GBE1: variants seen among roughly 807,000 people sequenced by gnomAD.
GBE1 encodes the protein 1,4-alpha-glucan branching enzyme 1, also known as 1,4-alpha-glucan-branching enzyme.
In GBE1, 70 loss-of-function variants were observed where a neutral mutation model predicts 88.8. The ratio of observed to expected loss-of-function variants is 0.79; its 90% CI spans 0.65 to 0.96. GBE1 has a LOEUF of 0.96. GBE1 is among the 40% of genes least tolerant of loss of function. The probability of loss-of-function intolerance (pLI) is 0.00; values close to 1 mark genes in which losing one functional copy is unlikely to be tolerated. For synonymous variants in GBE1, 284 were observed against 300.1 expected (o/e 0.95, Z 0.56); for missense variants, 872 against 871.0 (o/e 1.00, Z -0.01).
At chr3:81,537,741 TTCTTTTTCAGA>T (rs2106873269) in intron 12 of GBE1, among the ~76,000 whole-genome samples, 1 of 152,126 alleles carries the variant, frequency 6.6e-6, no homozygotes, top group South Asian at 2.1e-4. Flanking sequence ...TTTTCCGTAT[TTCTTTTTCAGA>T]TCTATTTTTT....
intron 14 of GBE1, among the ~76,000 whole-genome samples, chr3:81,519,869 G>C (rs1230419060): frequency 1.3e-5 from 2 of 151,396 alleles, no homozygotes; most frequent in African/African-American, 4.8e-5. Context: ...ACCTGCCTGG[G>C]CCACAAGTCT....
At chr3:81,671,480 C>T (rs1410953023) in intron 2 of GBE1, among the ~76,000 whole-genome samples, 5 of 151,886 alleles carry the variant, frequency 3.3e-5, no homozygotes, top group Non-Finnish European at 5.9e-5. Context: ...GAATGCAGAA[C>T]GTGGAAGAAA....
intron 2 of GBE1, among the ~76,000 whole-genome samples, chr3:81,675,770 G>A (rs1705243284): frequency 2.0e-5 from 3 of 151,904 alleles, no homozygotes; most frequent in African/African-American, 7.2e-5. Flanking sequence ...TTCAGTTTTG[G>A]CAAAATTTTA....
At chr3:81,611,386 T>C (rs968258377) in intron 7 of GBE1, among the ~76,000 whole-genome samples, 1 of 151,956 alleles carries the variant, frequency 6.6e-6, no homozygotes, top group African/African-American at 2.4e-5. Context: ...AACCAAGTAA[T>C]GCAATAGGAA....
At position 81,670,869 on chromosome 3, in the gene GBE1, G is replaced by T. The variant is rs764917202; in HGVS notation, c.398C>A (p.Ser133Tyr). Residue 133 changes from serine to tyrosine, a missense_variant, in exon 3 of 16, where the codon TCT (serine) becomes TAT (tyrosine). Ser to Tyr is a moderately radical substitution (Grantham distance 144). Transcript: ENST00000429644. ...TTTGGATCCATGAGGCACGAGTACA[G>T]ATTTATTCTGCTTTGGTGGGATATA... is the stretch of plus-strand genomic sequence containing the variant. The part of the protein sequence containing the change: ...ELYIPPKQNK[S>Y]VLVPHGSKLK... The T allele has an allele frequency of 6.3e-7, 1 of 1,576,794 alleles. No homozygotes were observed. The highest frequency in any genetic ancestry group is 1.2e-5 in the South Asian group (1 of 82,650).
At chr3:81,718,524 TCA>T (rs1382465565) in intron 1 of GBE1, among the ~76,000 whole-genome samples, 1 of 152,178 alleles carries the variant, frequency 6.6e-6, no homozygotes. Flanking sequence ...TTGCTCAAGG[TCA>T]CACAGCTAGT....
At chr3:81,711,163 G>A (rs945024521) in intron 1 of GBE1, among the ~76,000 whole-genome samples, 1 of 152,210 alleles carries the variant, frequency 6.6e-6, no homozygotes, top group Non-Finnish European at 1.5e-5. Flanking sequence ...CCCTTACCTG[G>A]AAATGTATTG....
chr3:81,640,879 T>C lies in GBE1; in HGVS notation c.992+1902A>G, dbSNP rs562904745. Among the ~76,000 whole-genome samples the C allele has an allele frequency of 2.3e-4, 35 of 152,182 alleles. No homozygotes were observed. The South Asian group carries it at 3.5e-3, about 15-fold the overall frequency. ...AAATTAAGCTAAAACTATAGGATGC[T>C]TTATTTACCAAAAGCATGCACATGA... On this transcript the variant is annotated intron_variant, in intron 7 of 15. Transcript: ENST00000429644.
chr3:81,589,685 C>T (rs1168199572), intron 9 of GBE1, among the ~76,000 whole-genome samples: 1 of 151,900 alleles, frequency 6.6e-6, no homozygotes, highest in Non-Finnish European at 1.5e-5. Flanking sequence ...TAAATCATTG[C>T]TTCTTTTTCT....
intron 3 of GBE1, among the ~76,000 whole-genome samples, chr3:81,650,917 C>T (rs181937007): frequency 6.6e-6 from 1 of 152,250 alleles, no homozygotes; most frequent in East Asian, 1.9e-4. Flanking sequence ...CTCAAGTGAT[C>T]CTCCTGTCTC....
intron 9 of GBE1, among the ~76,000 whole-genome samples, chr3:81,589,815 G>C (rs1703852963): frequency 6.6e-6 from 1 of 151,818 alleles, no homozygotes; most frequent in African/African-American, 2.4e-5. Context: ...TTTGATGTTT[G>C]ACATATAAAA....
At chr3:81,681,284 T>G (rs995996757) in intron 2 of GBE1, among the ~76,000 whole-genome samples, 1 of 152,072 alleles carries the variant, frequency 6.6e-6, no homozygotes. Context: ...CAACAAACAT[T>G]TGGGGGCCAG....
intron 14 of GBE1, among the ~76,000 whole-genome samples, chr3:81,500,517 T>C (rs545715495): frequency 6.6e-6 from 1 of 152,332 alleles, no homozygotes; most frequent in South Asian, 2.1e-4. Context: ...TAGAGAGTAA[T>C]GTTCTAGAAT....
intron 9 of GBE1, among the ~76,000 whole-genome samples, chr3:81,588,959 C>T (rs1703837750): frequency 6.6e-6 from 1 of 151,882 alleles, no homozygotes; most frequent in African/African-American, 2.4e-5. Flanking sequence ...AGAAAGTTGC[C>T]TCATTAATGC....
At chr3:81,671,677 A>C (rs1006538156) in intron 2 of GBE1, among the ~76,000 whole-genome samples, 1 of 152,164 alleles carries the variant, frequency 6.6e-6, no homozygotes, top group Non-Finnish European at 1.5e-5. Context: ...AACATGGATT[A>C]ATACTTATAC....
intron 1 of GBE1, among the ~76,000 whole-genome samples, chr3:81,726,558 TAA>T (rs1706114932): frequency 6.6e-6 from 1 of 151,912 alleles, no homozygotes; most frequent in Admixed American, 6.6e-5. Context: ...AGTTTTTATT[TAA>T]ATATGGCATC....
At chr3:81,643,637 A>G (rs1321680652) in intron 6 of GBE1, among the ~76,000 whole-genome samples, 1 of 152,194 alleles carries the variant, frequency 6.6e-6, no homozygotes, top group Non-Finnish European at 1.5e-5. Flanking sequence ...AGTCATCCAC[A>G]GCATCAACTT....
At chr3:81,622,440 C>T (rs1037774712) in intron 7 of GBE1, among the ~76,000 whole-genome samples, 2 of 152,148 alleles carry the variant, frequency 1.3e-5, no homozygotes, top group Non-Finnish European at 2.9e-5. Flanking sequence ...GTTAGAGTAA[C>T]TTGGAGCTCA....
At chr3:81,604,380 T>G (rs1265569609) in intron 7 of GBE1, among the ~76,000 whole-genome samples, 3 of 149,328 alleles carry the variant, frequency 2.0e-5, no homozygotes. Flanking sequence ...CTGGACCTCC[T>G]GGGCTCAAGT....
Sources: allele counts gnomAD v4.1 joint callset (sites outside exome capture counted in the v4.1 genomes callset), GRCh38; gene constraint gnomAD v4.1.1; transcripts MANE v1.5; gene names NCBI Gene and HGNC (gene_info 2026-07-23, HGNC 2026-07-21).